TRPC7: variants seen among roughly 807,000 people sequenced by gnomAD.
TRPC7 encodes the protein transient receptor potential cation channel subfamily C member 7.
In TRPC7, 42 loss-of-function variants were observed where a neutral mutation model predicts 90.1. The observed-to-expected ratio is 0.47, with a 90% CI of 0.36 to 0.60. TRPC7 has a LOEUF of 0.60. Among genes scored for constraint, TRPC7 ranks in the 20% least tolerant of loss-of-function variants. The pLI is 0.00. For missense variants in TRPC7, 955 were observed against 1,112.3 expected (o/e 0.86, Z 2.01); for synonymous variants, 451 against 436.3 (o/e 1.03, Z -0.42).
In TRPC7 at chr5:136,247,454, A is replaced by G. The variant is rs1345163695; in HGVS notation, c.1844+17T>C. 6.3e-7 allele frequency: 1 copy of G among 1,592,972 alleles called. No individual in the cohort carries two copies. Among genetic ancestry groups the G allele is most frequent in the East Asian group, 2.2e-5 (1 of 44,604 alleles). ...AAGCCCAGGGAGAACCTCAGGGGAA[A>G]GCTCTCAGATACTCACGTTGTAAAC... On this transcript the variant is annotated intron_variant, in intron 7 of 11. Coordinates refer to ENST00000513104, the MANE Select transcript of TRPC7 (RefSeq NM_020389.3). This position sits in a 1 kb window ranked among gnomAD's most constrained non-coding sequence, Gnocchi z 4.2.
At chr5:136,261,122 G>C (rs1320984096) in intron 5 of TRPC7, among the ~76,000 whole-genome samples, 1 of 152,124 alleles carries the variant, frequency 6.6e-6, no homozygotes, top group Admixed American at 6.5e-5. Flanking sequence ...ATCACATGCT[G>C]GATCTCAGGG....
In TRPC7 at chr5:136,247,822, C is replaced by A. The variant is rs932464297; in HGVS notation, c.1580-87G>T. 1 of 1,472,652 alleles carries A rather than the reference C, an allele frequency of 6.8e-7. No homozygotes were observed. Among genetic ancestry groups the A allele is most frequent in the Non-Finnish European group, 9.1e-7 (1 of 1,094,398 alleles). The allele number at this position is 1,472,652 out of a possible 1,614,324, so 91.2% of individuals were successfully genotyped here. On this transcript the variant is annotated intron_variant, in intron 6 of 11. Coordinates refer to ENST00000513104, the MANE Select transcript of TRPC7 (RefSeq NM_020389.3). This position sits in a 1 kb window ranked among gnomAD's most constrained non-coding sequence, Gnocchi z 4.2. ...GTTAGGCATCTTTAGAGGTCTCCAA[C>A]TGCATCATTTGCCATTCTTGTCCTT...
At chr5:136,315,546 C>G (rs1949567092) in intron 3 of TRPC7, 51 bp downstream of exon 3, 1 of 1,591,212 alleles carries the variant, frequency 6.3e-7, no homozygotes, top group Non-Finnish European at 8.6e-7. Flanking sequence ...AGGCCAGCAG[C>G]CCCGAGAAGA....
Position 136,251,631 on chromosome 5 carries a change from A to G in TRPC7, c.1579+18T>C. ...CGGAAGCGCCAAAATGGAGTAGGGG[A>G]AGCACTCTCCGACTCACCGTAGGTG... On this transcript the variant is annotated intron_variant, in intron 6 of 11. Transcript: ENST00000513104. 1.3e-6 allele frequency: 2 copies of G among 1,572,584 alleles called. No individual in the cohort carries two copies. Among genetic ancestry groups the G allele is most frequent in the Non-Finnish European group, 1.7e-6 (2 of 1,152,152 alleles).
intron 1 of TRPC7, among the ~76,000 whole-genome samples, chr5:136,358,870 G>A (rs1269393706): frequency 1.3e-5 from 2 of 152,126 alleles, no homozygotes; most frequent in African/African-American, 4.8e-5. Context: ...ATATTAGAAT[G>A]GCATAAATTT....
chr5:136,343,888 A>G (rs1296802528), intron 2 of TRPC7, among the ~76,000 whole-genome samples: 3 of 152,228 alleles, frequency 2.0e-5, no homozygotes, highest in African/African-American at 4.8e-5. Flanking sequence ...TAATACCTCA[A>G]GACAGAAATC....
chr5:136,229,599 A>G (rs1326544090), intron 8 of TRPC7, among the ~76,000 whole-genome samples: 2 of 152,190 alleles, frequency 1.3e-5, no homozygotes, highest in Non-Finnish European at 2.9e-5. Context: ...GAAGGTGGAC[A>G]TCTGCAAGCC....
intron 3 of TRPC7, chr5:136,303,653 C>T (rs1712700105): frequency 6.6e-6 from 1 of 152,012 alleles, no homozygotes; most frequent in South Asian, 2.1e-4. Context: ...AAGCCGTGTC[C>T]CATCTGTGTG....
intron 3 of TRPC7, among the ~76,000 whole-genome samples, chr5:136,306,932 C>T (rs955076461): frequency 6.6e-5 from 10 of 152,198 alleles, no homozygotes; most frequent in South Asian, 2.1e-4. Flanking sequence ...ACTCTCTTTT[C>T]GGATTCAGCC....
intron 10 of TRPC7, among the ~76,000 whole-genome samples, chr5:136,220,411 G>A (rs1251430173): frequency 6.6e-6 from 1 of 152,184 alleles, no homozygotes; most frequent in East Asian, 1.9e-4. Flanking sequence ...CTGGGGGGCA[G>A]TCTATAAATG....
At chr5:136,300,222 G>A (rs561793869) in intron 3 of TRPC7, among the ~76,000 whole-genome samples, 19 of 152,350 alleles carry the variant, frequency 1.2e-4, no homozygotes, top group African/African-American at 4.6e-4. Context: ...ATTAGGGAAA[G>A]TTATGTCAGG....
chr5:136,259,735 C>G (rs114808995), intron 5 of TRPC7, among the ~76,000 whole-genome samples: 1,916 of 152,334 alleles, frequency 0.013, 42 homozygotes, highest in African/African-American at 0.044. Flanking sequence ...GTTAGAGATT[C>G]TCCAGGCTGG....
At chr5:136,346,603 T>C (rs1760015643) in intron 2 of TRPC7, among the ~76,000 whole-genome samples, 1 of 152,130 alleles carries the variant, frequency 6.6e-6, no homozygotes, top group Admixed American at 6.5e-5. Flanking sequence ...AGTTCCCATA[T>C]CACTGGCTTG....
At chr5:136,252,111 A>G (rs1159987709) in intron 5 of TRPC7, among the ~76,000 whole-genome samples, 1 of 152,204 alleles carries the variant, frequency 6.6e-6, no homozygotes, top group Non-Finnish European at 1.5e-5. Flanking sequence ...AAGTGAGGAG[A>G]GAGTTTTCAT....
chr5:136,286,955 T>C (rs897577709), intron 3 of TRPC7, among the ~76,000 whole-genome samples: 1 of 152,222 alleles, frequency 6.6e-6, no homozygotes, highest in African/African-American at 2.4e-5. Flanking sequence ...AATCTGGCTC[T>C]TAAACTCTGC....
chr5:136,297,059 C>T (rs765887982), intron 3 of TRPC7, among the ~76,000 whole-genome samples: 13 of 152,206 alleles, frequency 8.5e-5, no homozygotes, highest in Admixed American at 1.3e-4. Context: ...TCCCCCACTG[C>T]TTCCTCTTTC....
At chr5:136,344,696 G>A (rs1358484482) in intron 2 of TRPC7, among the ~76,000 whole-genome samples, 1 of 152,132 alleles carries the variant, frequency 6.6e-6, no homozygotes, top group Non-Finnish European at 1.5e-5. Context: ...CCTAGCCATG[G>A]GTATTCCTTC....
intron 7 of TRPC7, among the ~76,000 whole-genome samples, chr5:136,245,076 C>G (rs544806484): frequency 6.6e-6 from 1 of 152,318 alleles, no homozygotes. Flanking sequence ...GAAGTTGGCT[C>G]TCTTAGTATT....
intron 10 of TRPC7, among the ~76,000 whole-genome samples, chr5:136,218,212 A>G (rs946671456): frequency 7.4e-5 from 11 of 148,374 alleles, no homozygotes; most frequent in Admixed American, 3.4e-4. Flanking sequence ...TAAAATATAT[A>G]TACAAAATAT....
Sources: allele counts gnomAD v4.1 joint callset (sites outside exome capture counted in the v4.1 genomes callset), GRCh38; gene constraint gnomAD v4.1.1; non-coding constraint Gnocchi (gnomAD v3.1); transcripts MANE v1.5; gene names NCBI Gene and HGNC (gene_info 2026-07-23, HGNC 2026-07-21).